Variants in MDM2 observed in about 807,000 individuals in gnomAD.
MDM2 encodes E3 ubiquitin-protein ligase Mdm2.
In MDM2, 11 loss-of-function variants were observed where a neutral mutation model predicts 64.3. The observed-to-expected ratio is 0.17, with a 90% CI of 0.11 to 0.28. The LOEUF (loss-of-function observed/expected upper bound fraction) is 0.28. Ranked by LOEUF, MDM2 falls within the 10% of genes least tolerant of loss-of-function variation. MDM2 has a pLI of 1.00. For missense variants in MDM2, 388 were observed against 577.1 expected, an observed-to-expected ratio of 0.67 and a Z score of 3.36; for synonymous variants, 194 against 192.9, an observed-to-expected ratio of 1.01 and a Z score of -0.05.
intron 7 of MDM2, among the ~76,000 whole-genome samples, chr12:68,827,299 T>C (rs1882418499): frequency 1.5e-5 from 2 of 131,870 alleles, no homozygotes; most frequent in Admixed American, 7.1e-5. Context: ...CCCTAGGAGG[T>C]AAGAGTTTTT....
chr12:68,834,001 C>G (rs1224484962), intron 8 of MDM2, among the ~76,000 whole-genome samples: 1 of 152,150 alleles, frequency 6.6e-6, no homozygotes, highest in Non-Finnish European at 1.5e-5. Context: ...TGCTTTTACT[C>G]TCCTTCCTAA....
chr12:68,809,027 G>T, intron 1 of MDM2, 181 bp from the exon 2 acceptor site: 19 of 1,483,722 alleles, frequency 1.3e-5, no homozygotes, highest in Non-Finnish European at 1.7e-5. Context: ...TGTGTTCAGT[G>T]GCGATTGGAG....
chr12:68,829,916 G>A (rs111655693), intron 8 of MDM2, among the ~76,000 whole-genome samples: 9 of 152,218 alleles, frequency 5.9e-5, no homozygotes, highest in East Asian at 3.9e-4. Flanking sequence ...AAATTTTTTT[G>A]TTAACAAGAA....
At chr12:68,831,456 T>A (rs1882789589) in intron 8 of MDM2, among the ~76,000 whole-genome samples, 2 of 152,238 alleles carry the variant, frequency 1.3e-5, no homozygotes, top group Admixed American at 1.3e-4. Flanking sequence ...CAGGATGCCA[T>A]GACATTTTAC....
At chr12:68,823,221 A>G (rs1012489978) in intron 5 of MDM2, among the ~76,000 whole-genome samples, 3 of 151,622 alleles carry the variant, frequency 2.0e-5, no homozygotes, top group East Asian at 3.9e-4. Context: ...ATGTCCAGGC[A>G]TGAGTTCACT....
In MDM2 at chr12:68,832,405, G is replaced by A. The variant is rs188370944; in HGVS notation, c.685-3424G>A. On this transcript the variant is annotated intron_variant, in intron 8 of 10. Transcript: ENST00000258149. ...TGGGGTTTTAAATAACTTGTTTAAG[G>A]TTCCTACAACTAATTGTCACAATTG... 9.5e-4 allele frequency among the ~76,000 whole-genome samples: 145 copies of A among 152,164 alleles called. 1 individual carries two copies. The highest frequency in any genetic ancestry group is 2.9e-3 in the African/African-American group (119 of 41,518).
rs3730628 is a variant in MDM2 at position 68,833,785 on chromosome 12, C to T, written c.685-2044C>T. ...TGGGCCACAGTTTGCAGACCCCTAC[C>T]GTAGAGTATGTTTTCTGAGATTTAA... is the stretch of plus-strand genomic sequence containing the variant. On this transcript the variant is annotated intron_variant, in intron 8 of 10. Coordinates refer to ENST00000258149, the MANE Select transcript of MDM2 (RefSeq NM_002392.6). Among the ~76,000 whole-genome samples the T allele has an allele frequency of 7.4e-4, 113 of 152,146 alleles. 1 individual carries two copies. The highest frequency in any genetic ancestry group is 2.6e-3 in the African/African-American group (107 of 41,536).
chr12:68,835,146 T>C (rs964587033), intron 8 of MDM2, among the ~76,000 whole-genome samples: 4 of 152,224 alleles, frequency 2.6e-5, no homozygotes, highest in African/African-American at 9.6e-5. Context: ...TGACAGGTTT[T>C]AGCTCAAAGT....
Position 68,808,371 on chromosome 12 carries a change from G to T in MDM2, c.-107G>T. 1 of 1,473,922 alleles carries T rather than the reference G, an allele frequency of 6.8e-7. No individual in the cohort carries two copies. The allele number at this position is 1,473,922 out of a possible 1,614,324, so 91.3% of individuals were successfully genotyped here. On this transcript the variant is annotated 5_prime_UTR_variant, in exon 1 of 11. Coordinates refer to ENST00000258149, the MANE Select transcript of MDM2 (RefSeq NM_002392.6). ...GTACGAGCGCCCAGTGCCCTGGCCCGGAGAGTGGAATGATCCCCGAGGCCC... is the reference window on the plus strand; with the variant it reads ...GTACGAGCGCCCAGTGCCCTGGCCCTGAGAGTGGAATGATCCCCGAGGCCC...
Position 68,842,336 on chromosome 12 carries a change from G to A in MDM2, c.*2487G>A, listed in dbSNP as rs1482389121. On this transcript the variant is annotated 3_prime_UTR_variant, in exon 11 of 11. Coordinates refer to ENST00000258149, the MANE Select transcript of MDM2 (RefSeq NM_002392.6). ...TGCAGGCAAAGGAACGCAGCTGGAA[G>A]AAAAGATGATATAACAGTTAACAGG... 2.2e-5 allele frequency: 11 copies of A among 495,690 alleles called. No individual in the cohort carries two copies. The East Asian group carries it at 5.2e-4, about 23-fold the overall frequency. 30.7% of individuals were successfully genotyped at this position (495,690 alleles called of 1,614,324 possible). A position where few individuals can be genotyped will look rare whatever the true frequency, so the allele number is the denominator to read the frequency against.
Position 68,841,593 on chromosome 12 carries a change from G to A in MDM2, c.*1744G>A, listed in dbSNP as rs900060410. 1 of 210,144 alleles carries A rather than the reference G, an allele frequency of 4.8e-6. No homozygotes were observed. Among genetic ancestry groups the A allele is most frequent in the Non-Finnish European group, 9.7e-6 (1 of 103,552 alleles). The allele number at this position is 210,144 out of a possible 1,614,324, so 13.0% of individuals were successfully genotyped here. ...TCCTTTATGGGATTTAATGGAATCT[G>A]TTGTTTCCCCCTAAGTTGAAAAACA... On this transcript the variant is annotated 3_prime_UTR_variant, in exon 11 of 11. Transcript: ENST00000258149.
rs556880336 is a variant in MDM2, at chr12:68,840,152, T to G, written c.*303T>G. ...GTATATGACATTTAAATGTAACTTA[T>G]TATTTTTTTTGAGACCGAGTCTTGC... On this transcript the variant is annotated 3_prime_UTR_variant, in exon 11 of 11. Transcript: ENST00000258149. 1.4e-4 allele frequency: 41 copies of G among 292,968 alleles called. No homozygotes were observed. In the East Asian group the frequency reaches 2.3e-3, roughly 16 times the overall value. The allele number at this position is 292,968 out of a possible 1,614,324, so 18.1% of individuals were successfully genotyped here. A position where few individuals can be genotyped will look rare whatever the true frequency, so the allele number is the denominator to read the frequency against.
intron 7 of MDM2, among the ~76,000 whole-genome samples, chr12:68,827,713 G>A (rs1217946574): frequency 6.6e-6 from 1 of 152,170 alleles, no homozygotes; most frequent in Non-Finnish European, 1.5e-5. Context: ...TTTATGTCTA[G>A]TATAAGGTAG....
chr12:68,849,401 T>C (rs1884551599), downstream of MDM2: 1 of 137,446 alleles, frequency 7.3e-6, no homozygotes, highest in Admixed American at 7.2e-5. Context: ...TTTTTTTTTT[T>C]GTTGTTGTTG....
At chr12:68,810,319 A>G (rs1430526133) in intron 2 of MDM2, among the ~76,000 whole-genome samples, 4 of 151,914 alleles carry the variant, frequency 2.6e-5, no homozygotes, top group South Asian at 2.1e-4. Context: ...TAAAAAAAAA[A>G]AAAAGAAAAG....
Position 68,808,217 on chromosome 12 carries a change from G to A in MDM2, c.-261G>A, listed in dbSNP as rs1252261598. 2 of 540,108 alleles carry A rather than the reference G, an allele frequency of 3.7e-6. No individual in the cohort carries two copies. Among genetic ancestry groups the A allele is most frequent in the Admixed American group, 3.8e-5 (1 of 26,326 alleles). 33.5% of individuals were successfully genotyped at this position (540,108 alleles called of 1,614,324 possible). On this transcript the variant is annotated 5_prime_UTR_variant, in exon 1 of 11. Coordinates refer to ENST00000258149, the MANE Select transcript of MDM2 (RefSeq NM_002392.6). ...CACCGCGGCGAGCTTGGCTGCTTCTGGGGCCTGTGTGGCCCTGTGTGTCGG... is the reference window on the plus strand; with the variant it reads ...CACCGCGGCGAGCTTGGCTGCTTCTAGGGCCTGTGTGGCCCTGTGTGTCGG...
In MDM2 at chr12:68,843,257, C is replaced by T. The variant is rs1883957767; in HGVS notation, c.*3408C>T. 8.8e-6 allele frequency: 2 copies of T among 226,870 alleles called. No individual in the cohort carries two copies. The highest frequency in any genetic ancestry group is 4.5e-5 in the African/African-American group (2 of 44,854). 14.1% of individuals were successfully genotyped at this position (226,870 alleles called of 1,614,324 possible). A position where few individuals can be genotyped will look rare whatever the true frequency, so the allele number is the denominator to read the frequency against. On this transcript the variant is annotated 3_prime_UTR_variant, in exon 11 of 11. Transcript: ENST00000258149. The stretch of plus-strand genomic sequence containing the variant: ...GAACTCCAAATAATGCTTTGAGGAC[C>T]TCCAAAGGTAAAAGTACTAATCCCT...
chr12:68,836,496 A>G, intron 9 of MDM2, 176 bp from the exon 10 acceptor site: 1 of 512,028 alleles, frequency 2.0e-6, no homozygotes, highest in Non-Finnish European at 3.5e-6. Flanking sequence ...ATTGTGGGTA[A>G]GGATTTCTCT....
Position 68,840,104 on chromosome 12 carries a change from TG to T in MDM2, c.*257del. The T allele has an allele frequency of 4.8e-6, 2 of 414,598 alleles. No homozygotes were observed. The highest frequency in any genetic ancestry group is 4.6e-5 in the South Asian group (1 of 21,894). The allele number at this position is 414,598 out of a possible 1,614,324, so 25.7% of individuals were successfully genotyped here. A position where few individuals can be genotyped will look rare whatever the true frequency, so the allele number is the denominator to read the frequency against. On this transcript the variant is annotated 3_prime_UTR_variant, in exon 11 of 11. Transcript: ENST00000258149. Reference sequence around the variant, plus strand: ...TACTCTGTCTTAAATGAGAAGTACTTGGTTTTTTTTTTTCTTAAATATGTAT... The same window carrying T: ...TACTCTGTCTTAAATGAGAAGTACTTGTTTTTTTTTTTCTTAAATATGTAT...
Sources: gnomAD v4.1 joint callset for allele counts (sites outside exome capture counted in the v4.1 genomes callset) on GRCh38, gnomAD v4.1.1 for gene constraint, MANE v1.5 for transcripts, NCBI Gene and HGNC (gene_info 2026-07-23, HGNC 2026-07-21) for gene names.